OSBPL1A: variants seen among roughly 807,000 people sequenced by gnomAD.
OSBPL1A encodes oxysterol-binding protein-related protein 1.
In OSBPL1A, 80 loss-of-function variants were observed where a neutral mutation model predicts 137.1. The ratio of observed to expected loss-of-function variants is 0.58; its 90% confidence interval spans 0.49 to 0.70. The LOEUF (loss-of-function observed/expected upper bound fraction) is 0.70. OSBPL1A is among the 30% of genes least tolerant of loss of function. The pLI is 0.00. For synonymous variants in OSBPL1A, 365 were observed against 389.7 expected (o/e 0.94, Z 0.75); for missense variants, 970 against 1,129.4 (o/e 0.86, Z 2.02).
Position 24,324,603 on chromosome 18 carries a change from TAAAAAAAAAAAAAAA to T in OSBPL1A, c.626-5809_626-5795del, listed in dbSNP as rs71163674. ...CCCAATAAAAACATGAATATGAATA[TAAAAAAAAAAAAAAA>T]AAAAAAAAAAAAAAAATTAGCCAGG... On this transcript the variant is annotated intron_variant, in intron 7 of 27. Transcript: ENST00000319481. 1.1e-3 allele frequency among the ~76,000 whole-genome samples: 6 copies of T among 5,654 alleles called. 1 individual carries two copies. Among genetic ancestry groups the T allele is most frequent in the African/African-American group, 9.2e-3 (6 of 650 alleles). The allele number at this position is 5,654 out of a possible 152,430, so 3.7% of individuals were successfully genotyped here.
chr18:24,301,549 A>G (rs1162040847), intron 14 of OSBPL1A, among the ~76,000 whole-genome samples: 1 of 152,234 alleles, frequency 6.6e-6, no homozygotes, highest in Non-Finnish European at 1.5e-5. Flanking sequence ...TAAAAGCTCA[A>G]TGACAGTCAT....
intron 16 of OSBPL1A, among the ~76,000 whole-genome samples, chr18:24,238,632 C>T (rs1786098): frequency 1 from 152,215 of 152,364 alleles, 76,033 homozygotes; most frequent in Middle Eastern, 1. Flanking sequence ...TCATGGAACA[C>T]GCCCCAGGTC....
At chr18:24,248,056 T>C (rs1178797811) in intron 15 of OSBPL1A, among the ~76,000 whole-genome samples, 1 of 152,186 alleles carries the variant, frequency 6.6e-6, no homozygotes. Context: ...AATCCACTAG[T>C]ATACAGCTGG....
intron 20 of OSBPL1A, 23 bp from the exon 21 acceptor site, chr18:24,178,218 AAAG>A: frequency 4.0e-6 from 6 of 1,517,830 alleles, no homozygotes; most frequent in Admixed American, 2.2e-5. Flanking sequence ...AAAAAAAAAA[AAAG>A]AAAAAAAAAA....
chr18:24,395,121 A>T (rs142666966), intron 1 of OSBPL1A, among the ~76,000 whole-genome samples: 63 of 152,356 alleles, frequency 4.1e-4, no homozygotes, highest in African/African-American at 1.5e-3. Flanking sequence ...AATTGTTAGT[A>T]TAAGCTGGTG....
chr18:24,384,784 C>T (rs748700390), intron 1 of OSBPL1A, among the ~76,000 whole-genome samples: 6 of 150,568 alleles, frequency 4.0e-5, no homozygotes, highest in Non-Finnish European at 8.9e-5. Context: ...GCAGGAGAAT[C>T]GCTTGAACCT....
chr18:24,181,485 A>G lies in OSBPL1A; in HGVS notation c.1678-206T>C, dbSNP rs568613891. 1.0e-3 allele frequency among the ~76,000 whole-genome samples: 155 copies of G among 152,326 alleles called. 1 individual carries two copies. The highest frequency in any genetic ancestry group is 1.8e-3 in the Non-Finnish European group (120 of 68,024). ...CCTTCTAGGCCTTGAAGGAGGAAAT[A>G]CAAAGACTGCCCAAACATTCTCCTT... On this transcript the variant is annotated intron_variant, in intron 18 of 27. Transcript: ENST00000319481.
chr18:24,179,922 A>C, intron 19 of OSBPL1A, 87 bp from the exon 20 acceptor site: 1 of 989,556 alleles, frequency 1.0e-6, no homozygotes, highest in Non-Finnish European at 1.6e-6. Context: ...GAAGACAGTA[A>C]TTTACAGAAT....
chr18:24,164,952 G>T, intron 27 of OSBPL1A, 113 bp downstream of exon 27: 1 of 1,039,068 alleles, frequency 9.6e-7, no homozygotes, highest in Non-Finnish European at 1.4e-6. Flanking sequence ...ACTCGGCAGG[G>T]TTTGTGTTAG....
chr18:24,377,285 T>C (rs937469711), intron 2 of OSBPL1A, 128 bp downstream of exon 2: 2 of 1,154,586 alleles, frequency 1.7e-6, no homozygotes, highest in Admixed American at 5.9e-5. Flanking sequence ...TCCTCCAATC[T>C]GTGGGGTTCT....
In OSBPL1A at chr18:24,206,714, T is replaced by C. The variant is rs1396791624; in HGVS notation, c.1602-10514A>G. ...TTCTGCACCCAGCCTTGGGGAATGA[T>C]CTCAAAGTCAGCCACGATGTCAGCA... is the stretch of plus-strand genomic sequence containing the variant. On this transcript the variant is annotated intron_variant, in intron 17 of 27. Coordinates refer to ENST00000319481, the MANE Select transcript of OSBPL1A (RefSeq NM_080597.4). Among the ~76,000 whole-genome samples the C allele has an allele frequency of 5.3e-5, 8 of 152,174 alleles. No individual in the cohort carries two copies. In the East Asian group the frequency reaches 1.5e-3, roughly 29 times the overall value.
intron 15 of OSBPL1A, among the ~76,000 whole-genome samples, chr18:24,246,792 C>CAA (rs56268385): frequency 3.5e-5 from 3 of 85,080 alleles, no homozygotes; most frequent in African/African-American, 8.2e-5. Context: ...CTCTGTCTCC[C>CAA]AAAAAAAAAA....
chr18:24,210,264 A>G (rs905355368), intron 17 of OSBPL1A, among the ~76,000 whole-genome samples: 58 of 152,040 alleles, frequency 3.8e-4, no homozygotes, highest in Admixed American at 1.3e-4. Flanking sequence ...GTCTCTACTA[A>G]AAATACAAAA....
In OSBPL1A at chr18:24,280,748, TA is replaced by T; in HGVS notation, c.1281+93del. The T allele has an allele frequency of 3.8e-6, 3 of 780,606 alleles. No individual in the cohort carries two copies. The South Asian group carries it at 1.2e-4, about 30-fold the overall frequency. The allele number at this position is 780,606 out of a possible 1,614,324, so 48.4% of individuals were successfully genotyped here. ...TCCTTTGTTAATACTAATTTTTTCC[TA>T]CCTTTGAACAATTTGAAAGCAATGA... On this transcript the variant is annotated intron_variant, in intron 15 of 27. Coordinates refer to ENST00000319481, the MANE Select transcript of OSBPL1A (RefSeq NM_080597.4).
chr18:24,307,205 C>T (rs1017297936), intron 13 of OSBPL1A, among the ~76,000 whole-genome samples: 1 of 152,206 alleles, frequency 6.6e-6, no homozygotes, highest in East Asian at 1.9e-4. Context: ...ATCACTTGAC[C>T]CCAGGTGGTC....
At chr18:24,294,596 A>ATT (rs200331517) in intron 14 of OSBPL1A, among the ~76,000 whole-genome samples, 1 of 94,448 alleles carries the variant, frequency 1.1e-5, no homozygotes, top group African/African-American at 5.6e-5. Flanking sequence ...AGACCATATC[A>ATT]CTCTAAGTCT....
rs2090452358 is a variant in OSBPL1A, at chr18:24,303,969, C to CT, written c.1093-252_1093-251insA. Among the ~76,000 whole-genome samples the CT allele has an allele frequency of 3.9e-5, 6 of 152,032 alleles. No individual in the cohort carries two copies. The South Asian group carries it at 1.2e-3, about 32-fold the overall frequency. ...CAACATCTGTTGTGTAGATACCATA[C>CT]AATTGCATCCATTACTATTACTATC... On this transcript the variant is annotated intron_variant, in intron 13 of 27. Coordinates refer to ENST00000319481, the MANE Select transcript of OSBPL1A (RefSeq NM_080597.4).
chr18:24,175,581 T>C (rs2086424872), intron 21 of OSBPL1A, among the ~76,000 whole-genome samples: 1 of 152,208 alleles, frequency 6.6e-6, no homozygotes, highest in African/African-American at 2.4e-5. Flanking sequence ...ATTTTTACTA[T>C]TCTATAGTTT....
intron 17 of OSBPL1A, among the ~76,000 whole-genome samples, chr18:24,218,024 T>C (rs2087762309): frequency 6.6e-6 from 1 of 150,950 alleles, no homozygotes; most frequent in Non-Finnish European, 1.5e-5. Flanking sequence ...CAAGAAAAAA[T>C]GGGGGAGGGA....
Sources: gnomAD v4.1 joint callset for allele counts (sites outside exome capture counted in the v4.1 genomes callset) on GRCh38, gnomAD v4.1.1 for gene constraint, MANE v1.5 for transcripts, NCBI Gene and HGNC (gene_info 2026-07-23, HGNC 2026-07-21) for gene names.